UGT1A10: variants seen among roughly 807,000 people sequenced by gnomAD.
UGT1A10 encodes UDP glucuronosyltransferase family 1 member A10.
Under a neutral mutation model 45.8 loss-of-function variants are expected in UGT1A10, and 49 were observed. That is an observed-to-expected ratio of 1.07 (90% confidence interval 0.85 to 1.36). The LOEUF is 1.36. Ranked by LOEUF, UGT1A10 falls within the 40% of genes most tolerant of loss-of-function variation. UGT1A10 has a pLI of 0.00. For synonymous variants in UGT1A10, 284 were observed against 249.7 expected, an observed-to-expected ratio of 1.14 and a Z score of -1.29; for missense variants, 745 against 668.6, an observed-to-expected ratio of 1.11 and a Z score of -1.26.
chr2:233,706,707 T>C (rs1380660987), intron 1 of UGT1A10, among the ~76,000 whole-genome samples: 2 of 152,154 alleles, frequency 1.3e-5, no homozygotes, highest in Non-Finnish European at 2.9e-5. Context: ...TGAAAAGTCA[T>C]GGAATTCTGG....
chr2:233,721,426 G>A (rs2076944499), intron 1 of UGT1A10: 1 of 156,732 alleles, frequency 6.4e-6, no homozygotes, highest in African/African-American at 2.4e-5. Flanking sequence ...CCTAAGCATT[G>A]TGGTTTTAAT....
chr2:233,750,970 G>T (rs1694602078), intron 1 of UGT1A10, among the ~76,000 whole-genome samples: 1 of 151,844 alleles, frequency 6.6e-6, no homozygotes, highest in South Asian at 2.1e-4. Flanking sequence ...GCACTGCCTA[G>T]TGGAGTTGTG....
At chr2:233,657,735 T>G (rs1460593696) in intron 1 of UGT1A10, among the ~76,000 whole-genome samples, 1 of 152,246 alleles carries the variant, frequency 6.6e-6, no homozygotes, top group Non-Finnish European at 1.5e-5. Context: ...AATTTTAATT[T>G]GATTTTCCTA....
chr2:233,743,747 G>C (rs370175895), intron 1 of UGT1A10: 65 of 1,367,344 alleles, frequency 4.8e-5, no homozygotes, highest in Non-Finnish European at 6.4e-5. Flanking sequence ...CTTGGCGTCC[G>C]ACAACACCTC....
At chr2:233,734,121 T>TAAA (rs1021409062) in intron 1 of UGT1A10, among the ~76,000 whole-genome samples, 6 of 151,862 alleles carry the variant, frequency 4.0e-5, no homozygotes, top group African/African-American at 1.5e-4. Context: ...ATAATAATAA[T>TAAA]AAAAAGAATT....
intron 1 of UGT1A10, among the ~76,000 whole-genome samples, chr2:233,745,546 A>G (rs1693142103): frequency 6.6e-6 from 1 of 151,692 alleles, no homozygotes. Flanking sequence ...CACCAGAACA[A>G]ACTTCTAAGT....
chr2:233,739,902 C>T (rs1181002925), intron 1 of UGT1A10, among the ~76,000 whole-genome samples: 2 of 151,866 alleles, frequency 1.3e-5, no homozygotes, highest in Non-Finnish European at 2.9e-5. Context: ...AATCTCATCT[C>T]ATATTGTAAT....
chr2:233,755,338 G>A (rs569505432), intron 1 of UGT1A10: 1 of 431,822 alleles, frequency 2.3e-6, no homozygotes, highest in Non-Finnish European at 4.0e-6. Flanking sequence ...CCCGCGCACA[G>A]GTCAGAGGCT....
At chr2:233,770,057 T>C (rs1700010876) in intron 4 of UGT1A10, 1 of 154,188 alleles carries the variant, frequency 6.5e-6, no homozygotes, top group Admixed American at 6.5e-5. Context: ...GCTCACATTA[T>C]GGATATAATT....
intron 1 of UGT1A10, chr2:233,719,423 T>C (rs1466755508): frequency 3.7e-6 from 6 of 1,613,856 alleles, no homozygotes; most frequent in Non-Finnish European, 2.5e-6. Context: ...TAACGACCAA[T>C]TCAGACCACA....
intron 1 of UGT1A10, chr2:233,682,569 T>C (rs1226990386): frequency 4.3e-6 from 7 of 1,613,850 alleles, no homozygotes; most frequent in Non-Finnish European, 5.9e-6. Flanking sequence ...TGGAACCACA[T>C]CATGCACTTG....
chr2:233,772,541 C>T lies in UGT1A10; in HGVS notation c.1575C>T (p.His525=), dbSNP rs1391662449. The T allele has an allele frequency of 1.2e-6, 2 of 1,613,996 alleles. No homozygotes were observed. Among genetic ancestry groups the T allele is most frequent in the Non-Finnish European group, 1.7e-6 (2 of 1,180,012 alleles). ...AAAAAGGGCGAGTTAAGAAAGCCCACAAATCCAAGACCCATTGAGAAGTGG... is the reference window on the plus strand; with the variant it reads ...AAAAAGGGCGAGTTAAGAAAGCCCATAAATCCAAGACCCATTGAGAAGTGG... The part of the protein sequence containing the change: ...LGKKGRVKKA[H]KSKTH The change falls in exon 5 of 5, where the codon CAC becomes CAT. Residue 525 remains histidine (H), a synonymous_variant. Transcript: ENST00000344644.
chr2:233,766,145 C>T (rs1400021152), intron 1 of UGT1A10, among the ~76,000 whole-genome samples: 1 of 152,164 alleles, frequency 6.6e-6, no homozygotes, highest in South Asian at 2.1e-4. Flanking sequence ...CGAATCCCAC[C>T]TGGGCTTGGA....
At chr2:233,690,562 G>C in intron 1 of UGT1A10, 1 of 1,289,358 alleles carries the variant, frequency 7.8e-7, no homozygotes, top group Non-Finnish European at 1.0e-6. Context: ...CCAAGCCTGA[G>C]TCATTCAGCC....
intron 1 of UGT1A10, among the ~76,000 whole-genome samples, chr2:233,724,488 CG>C (rs1207122697): frequency 1.4e-5 from 1 of 72,502 alleles, no homozygotes; most frequent in Non-Finnish European, 2.9e-5. Context: ...TCAGACGGGG[CG>C]GCCGGGCAGA....
chr2:233,645,715 T>A (rs2073583208), intron 1 of UGT1A10, among the ~76,000 whole-genome samples: 1 of 152,194 alleles, frequency 6.6e-6, no homozygotes, highest in Non-Finnish European at 1.5e-5. Context: ...GTTCCCATGG[T>A]CTTAGGCAGC....
chr2:233,747,333 C>T, intron 1 of UGT1A10: 1 of 1,603,778 alleles, frequency 6.2e-7, no homozygotes, highest in South Asian at 1.1e-5. Flanking sequence ...ATGGCAGCCA[C>T]TGGCTCGCAT....
intron 1 of UGT1A10, among the ~76,000 whole-genome samples, chr2:233,644,300 G>T (rs1278808102): frequency 6.6e-6 from 1 of 152,206 alleles, no homozygotes; most frequent in East Asian, 1.9e-4. Flanking sequence ...GGGCACGGTG[G>T]CTCATGCCTG....
rs551912265 is a variant in UGT1A10 at position 233,725,264 on chromosome 2, G to GGAGGCAGAGGCA, written c.856-41728_856-41717dup. ...CAGAGGCAGAGGAGGCAGAGGCAGA[G>GGAGGCAGAGGCA]GAGGCAGAGGCAGAGGCAGAGGCAG... On this transcript the variant is annotated intron_variant, in intron 1 of 4. Transcript: ENST00000344644. Among the ~76,000 whole-genome samples, 48 of 58,548 alleles carry GGAGGCAGAGGCA rather than the reference G, an allele frequency of 8.2e-4. 10 individuals are homozygous for GGAGGCAGAGGCA. Among genetic ancestry groups the GGAGGCAGAGGCA allele is most frequent in the Non-Finnish European group, 1.1e-3 (35 of 32,858 alleles). 38.4% of individuals were successfully genotyped at this position (58,548 alleles called of 152,430 possible). A position where few individuals can be genotyped will look rare whatever the true frequency, so the allele number is the denominator to read the frequency against.
Sources: gnomAD v4.1 joint callset for allele counts (sites outside exome capture counted in the v4.1 genomes callset) on GRCh38, gnomAD v4.1.1 for gene constraint, MANE v1.5 for transcripts, NCBI Gene and HGNC (gene_info 2026-07-23, HGNC 2026-07-21) for gene names.